The following ZDHHC17 variants were observed in gnomAD, a reference collection of about 807,000 sequenced individuals.
ZDHHC17 encodes the protein palmitoyltransferase ZDHHC17.
In ZDHHC17, 40 loss-of-function variants were observed where a neutral mutation model predicts 90.3. That is an observed-to-expected ratio of 0.44 (90% CI 0.34 to 0.58). The LOEUF (loss-of-function observed/expected upper bound fraction) is 0.58. Ranked by LOEUF, ZDHHC17 falls within the 20% of genes least tolerant of loss-of-function variation. ZDHHC17 has a pLI of 0.01. For synonymous variants in ZDHHC17, 235 were observed against 252.4 expected, an observed-to-expected ratio of 0.93 and a Z score of 0.65; for missense variants, 614 against 780.8, an observed-to-expected ratio of 0.79 and a Z score of 2.55.
intron 7 of ZDHHC17, 138 bp from the exon 8 acceptor site, chr12:76,822,268 G>A: frequency 9.9e-7 from 1 of 1,010,336 alleles, no homozygotes; most frequent in Non-Finnish European, 1.4e-6. Flanking sequence ...TAATGATGCA[G>A]GTGTTTTTAG....
At chr12:76,850,137 G>C (rs1953545540) in intron 16 of ZDHHC17, among the ~76,000 whole-genome samples, 1 of 151,942 alleles carries the variant, frequency 6.6e-6, no homozygotes, top group Non-Finnish European at 1.5e-5. Flanking sequence ...GGCTGGTCCT[G>C]AACTCCTGAC....
chr12:76,835,042 G>A (rs76704802), intron 10 of ZDHHC17, among the ~76,000 whole-genome samples: 3,201 of 143,088 alleles, frequency 0.022, 78 homozygotes, highest in East Asian at 0.12. Flanking sequence ...TTTGAGTTCC[G>A]CGAAAAGCCT....
intron 8 of ZDHHC17, among the ~76,000 whole-genome samples, chr12:76,824,054 G>C (rs1297223770): frequency 6.6e-6 from 1 of 151,912 alleles, no homozygotes; most frequent in Non-Finnish European, 1.5e-5. Flanking sequence ...TCGTTTTGTT[G>C]AATGTGAATA....
In ZDHHC17 at chr12:76,807,329, A is replaced by G. The variant is rs370512643; in HGVS notation, c.321-1714A>G. Among the ~76,000 whole-genome samples the G allele has an allele frequency of 9.2e-5, 14 of 152,304 alleles. No individual in the cohort carries two copies. In the East Asian group the frequency reaches 2.7e-3, roughly 29 times the overall value. On this transcript the variant is annotated intron_variant, in intron 3 of 16. Coordinates refer to ENST00000426126, the MANE Select transcript of ZDHHC17 (RefSeq NM_015336.4). ...AACACAATTTTTCTGCAATGTATTT[A>G]TATTGACTTTCAACCATTGTTTCTG...
At chr12:76,822,072 A>C (rs1171812473) in intron 7 of ZDHHC17, among the ~76,000 whole-genome samples, 2 of 152,212 alleles carry the variant, frequency 1.3e-5, no homozygotes, top group African/African-American at 4.8e-5. Context: ...ATTACTAATG[A>C]AATTTTTAAA....
rs1247910630 is a variant in ZDHHC17, at chr12:76,798,997, C to T, written c.197+1460C>T. Among the ~76,000 whole-genome samples, 7 of 152,226 alleles carry T rather than the reference C, an allele frequency of 4.6e-5. No individual in the cohort carries two copies. The East Asian group carries it at 9.7e-4, about 21-fold the overall frequency. ...GGACACAGATCCAAACCATGTCAGG[C>T]GTGATGGCACACTCCTGTGGTCCCA... On this transcript the variant is annotated intron_variant, in intron 2 of 16. Coordinates refer to ENST00000426126, the MANE Select transcript of ZDHHC17 (RefSeq NM_015336.4).
In ZDHHC17 at chr12:76,792,276, A is replaced by G. The variant is rs185577904; in HGVS notation, c.94-5158A>G. 1.7e-3 allele frequency among the ~76,000 whole-genome samples: 257 copies of G among 152,340 alleles called. 1 individual carries two copies. The highest frequency in any genetic ancestry group is 5.9e-3 in the African/African-American group (244 of 41,568). On this transcript the variant is annotated intron_variant, in intron 1 of 16. Transcript: ENST00000426126. The stretch of plus-strand genomic sequence containing the variant: ...ATCACTCAGAAATTTTAAGCATTTT[A>G]GGAGCCTTGTGCCGTGAACCTGGGA...
intron 1 of ZDHHC17, among the ~76,000 whole-genome samples, chr12:76,775,066 G>A (rs919806884): frequency 3.9e-5 from 6 of 152,282 alleles, no homozygotes; most frequent in African/African-American, 9.6e-5. Context: ...GGGTTTAAGC[G>A]ATTCACCTGC....
chr12:76,797,618 T>C, intron 2 of ZDHHC17, 81 bp downstream of exon 2: 1 of 1,122,460 alleles, frequency 8.9e-7, no homozygotes. Context: ...CATATTACTT[T>C]GGGAAAAACA....
chr12:76,838,819 A>G (rs1234247173), intron 10 of ZDHHC17, among the ~76,000 whole-genome samples: 2 of 152,128 alleles, frequency 1.3e-5, no homozygotes, highest in African/African-American at 4.8e-5. Context: ...CACCATTTCA[A>G]TTATTTTTCT....
chr12:76,828,894 C>T (rs185580229), intron 10 of ZDHHC17, among the ~76,000 whole-genome samples: 148 of 152,166 alleles, frequency 9.7e-4, no homozygotes, highest in Non-Finnish European at 1.6e-3. Flanking sequence ...CAAGCATCCT[C>T]ATTTCAAAAA....
At chr12:76,825,546 A>G (rs1953221038) in intron 8 of ZDHHC17, among the ~76,000 whole-genome samples, 1 of 152,152 alleles carries the variant, frequency 6.6e-6, no homozygotes, top group South Asian at 2.1e-4. Context: ...AAAGAATTGG[A>G]TTAGTTATTT....
At position 76,812,132 on chromosome 12, in the gene ZDHHC17, A is replaced by G. The variant is rs760910554; in HGVS notation, c.543+2275A>G. Among the ~76,000 whole-genome samples, 13 of 152,298 alleles carry G rather than the reference A, an allele frequency of 8.5e-5. No homozygotes were observed. In the Middle Eastern group the frequency reaches 0.017, roughly 199 times the overall value. On this transcript the variant is annotated intron_variant, in intron 5 of 16. Transcript: ENST00000426126. ...ACACTTCTGGTCCCAAGCATTTTAC[A>G]TAAAGGATACTCAACATGTATACAC...
At position 76,851,447 on chromosome 12, in the gene ZDHHC17, T is replaced by G. The variant is rs1335539099; in HGVS notation, c.*462T>G. The stretch of plus-strand genomic sequence containing the variant: ...TTTTAAGTTGATTGACTAGTTATTA[T>G]GTACATTTCAGAATGTACACATAAA... On this transcript the variant is annotated 3_prime_UTR_variant, in exon 17 of 17. Coordinates refer to ENST00000426126, the MANE Select transcript of ZDHHC17 (RefSeq NM_015336.4). The G allele has an allele frequency of 6.0e-6, 1 of 165,524 alleles. No homozygotes were observed. The highest frequency in any genetic ancestry group is 1.3e-5 in the Non-Finnish European group (1 of 77,302). 10.3% of individuals were successfully genotyped at this position (165,524 alleles called of 1,614,324 possible).
intron 5 of ZDHHC17, among the ~76,000 whole-genome samples, chr12:76,810,124 A>G (rs1451593714): frequency 6.6e-6 from 1 of 152,308 alleles, no homozygotes; most frequent in East Asian, 1.9e-4. Flanking sequence ...GAGAGAAAAT[A>G]TAAGTATCTA....
chr12:76,774,983 G>A (rs373986225), intron 1 of ZDHHC17, among the ~76,000 whole-genome samples: 1 of 152,232 alleles, frequency 6.6e-6, no homozygotes, highest in South Asian at 2.1e-4. Flanking sequence ...ACACCACCAT[G>A]CCTGATTAAT....
At chr12:76,832,435 C>T (rs1953315085) in intron 10 of ZDHHC17, among the ~76,000 whole-genome samples, 1 of 152,210 alleles carries the variant, frequency 6.6e-6, no homozygotes, top group African/African-American at 2.4e-5. Context: ...TGTGAAGTTG[C>T]TGCAAGCACT....
intron 16 of ZDHHC17, among the ~76,000 whole-genome samples, chr12:76,850,166 C>T (rs1412141364): frequency 1.3e-5 from 2 of 151,928 alleles, no homozygotes; most frequent in Admixed American, 6.6e-5. Context: ...CCACCCGCCT[C>T]GGCCTCCCAA....
rs1953537799 is a variant in ZDHHC17, at chr12:76,849,464, C to T, written c.1754C>T (p.Pro585Leu). 6.5e-7 allele frequency: 1 copy of T among 1,531,332 alleles called. No individual in the cohort carries two copies. The highest frequency in any genetic ancestry group is 8.8e-7 in the Non-Finnish European group (1 of 1,136,290). 94.9% of individuals were successfully genotyped at this position (1,531,332 alleles called of 1,614,324 possible). A position where few individuals can be genotyped will look rare whatever the true frequency, so the allele number is the denominator to read the frequency against. The change falls in exon 16 of 17, where the codon CCA becomes CTA. Residue 585 changes from proline to leucine, a missense_variant. Coordinates refer to ENST00000426126, the MANE Select transcript of ZDHHC17 (RefSeq NM_015336.4). Reference sequence around the variant, plus strand: ...GTCACAACAACGTCTATTGAAAGCCCATTCAAGTATGTACATATTTATAAA... The same window carrying T: ...GTCACAACAACGTCTATTGAAAGCCTATTCAAGTATGTACATATTTATAAA... ...FKVTTTSIES[P>L]FNHGCVRNII... is the part of the protein sequence containing the mutation.
Sources: allele counts gnomAD v4.1 joint callset (sites outside exome capture counted in the v4.1 genomes callset), GRCh38; gene constraint gnomAD v4.1.1; transcripts MANE v1.5; gene names NCBI Gene and HGNC (gene_info 2026-07-23, HGNC 2026-07-21).